Variants in RARB observed in about 807,000 individuals in gnomAD.
RARB encodes the protein retinoic acid receptor beta.
A neutral mutation model predicts 51.9 loss-of-function variants in RARB; 17 were observed. That is an observed-to-expected ratio of 0.33 (90% confidence interval 0.22 to 0.49). The LOEUF is 0.49. Ranked by LOEUF, RARB falls within the 20% of genes least tolerant of loss-of-function variation. The pLI is 0.99. For missense variants in RARB, 369 were observed against 550.8 expected, an observed-to-expected ratio of 0.67 and a Z score of 3.30; for synonymous variants, 215 against 195.4, an observed-to-expected ratio of 1.10 and a Z score of -0.84.
At chr3:25,585,033 G>T (rs1359894265) in intron 5 of RARB, among the ~76,000 whole-genome samples, 2 of 151,754 alleles carry the variant, frequency 1.3e-5, no homozygotes, top group African/African-American at 4.9e-5. Context: ...GTTGAATGTG[G>T]GCTCTGAAAC....
intron 5 of RARB, among the ~76,000 whole-genome samples, chr3:25,254,649 A>G (rs1385689093): frequency 6.6e-6 from 1 of 152,022 alleles, no homozygotes; most frequent in Non-Finnish European, 1.5e-5. Context: ...AAATCAAGGC[A>G]AGGCCTTGTG....
At chr3:24,856,742 C>T (rs12638345) in intron 1 of RARB, among the ~76,000 whole-genome samples, 90,756 of 152,032 alleles carry the variant, frequency 0.6, 27,877 homozygotes, top group East Asian at 0.96. Flanking sequence ...GAAGTTACAA[C>T]AATTTGAACT....
intron 5 of RARB, among the ~76,000 whole-genome samples, chr3:25,278,734 C>A (rs1703452452): frequency 6.6e-6 from 1 of 152,074 alleles, no homozygotes; most frequent in South Asian, 2.1e-4. Context: ...GCATGTGTAC[C>A]ATATTATGTG....
At chr3:25,231,385 T>G (rs1005731392) in intron 5 of RARB, among the ~76,000 whole-genome samples, 3 of 152,180 alleles carry the variant, frequency 2.0e-5, no homozygotes, top group Non-Finnish European at 1.5e-5. Context: ...AAGGTACCTG[T>G]GATTACTGGG....
At chr3:24,981,421 CTCCACCCAGT>C (rs1444142774) in intron 2 of RARB, among the ~76,000 whole-genome samples, 1 of 152,142 alleles carries the variant, frequency 6.6e-6, no homozygotes, top group Non-Finnish European at 1.5e-5. Flanking sequence ...CTGCAGTGGG[CTCCACCCAGT>C]TGGAGCTTCC....
chr3:24,954,371 G>T (rs995663064), intron 2 of RARB, among the ~76,000 whole-genome samples: 1 of 152,182 alleles, frequency 6.6e-6, no homozygotes, highest in Non-Finnish European at 1.5e-5. Flanking sequence ...TACTTCCTCT[G>T]CAGTGCAAGC....
intron 5 of RARB, among the ~76,000 whole-genome samples, chr3:25,244,899 G>T (rs936666157): frequency 2.0e-5 from 3 of 152,162 alleles, no homozygotes; most frequent in African/African-American, 4.8e-5. Context: ...AATATTGACA[G>T]TGTGGTGTTA....
chr3:25,361,887 C>G (rs1352244296), intron 5 of RARB, among the ~76,000 whole-genome samples: 1 of 152,158 alleles, frequency 6.6e-6, no homozygotes, highest in East Asian at 1.9e-4. Flanking sequence ...CATATGCCAG[C>G]TGGAGGTGTC....
At chr3:25,554,042 A>G (rs1166561676) in intron 3 of RARB, among the ~76,000 whole-genome samples, 1 of 151,488 alleles carries the variant, frequency 6.6e-6, no homozygotes, top group Non-Finnish European at 1.5e-5. Context: ...TGTCATGTTA[A>G]TCTGTGTTTG....
chr3:24,865,336 A>G (rs1994905), intron 2 of RARB, among the ~76,000 whole-genome samples: 110,325 of 152,050 alleles, frequency 0.73, 41,036 homozygotes, highest in East Asian at 0.97. Flanking sequence ...ATACATGTAA[A>G]TGGATGCTTG....
At chr3:24,960,865 T>A (rs910053407) in intron 2 of RARB, among the ~76,000 whole-genome samples, 2 of 152,032 alleles carry the variant, frequency 1.3e-5, no homozygotes, top group Non-Finnish European at 2.9e-5. Context: ...TCTCTTGACA[T>A]CCACATAAAA....
chr3:24,833,825 T>C (rs1702310561), intron 1 of RARB, among the ~76,000 whole-genome samples: 4 of 152,236 alleles, frequency 2.6e-5, no homozygotes, highest in Admixed American at 2.6e-4. Context: ...TCTGCATTTG[T>C]TCTGATTGGC....
At chr3:25,077,904 T>G (rs1698908324) in intron 3 of RARB, among the ~76,000 whole-genome samples, 1 of 152,206 alleles carries the variant, frequency 6.6e-6, no homozygotes, top group Admixed American at 6.5e-5. Flanking sequence ...AAGCAGTATC[T>G]CATTTTTCCT....
At chr3:25,337,766 TA>T (rs1705107131) in intron 5 of RARB, among the ~76,000 whole-genome samples, 1 of 152,124 alleles carries the variant, frequency 6.6e-6, no homozygotes, top group Non-Finnish European at 1.5e-5. Context: ...CCTGAAATTA[TA>T]AATACCTTTT....
At chr3:25,226,866 C>G (rs756881423) in intron 5 of RARB, among the ~76,000 whole-genome samples, 12 of 152,176 alleles carry the variant, frequency 7.9e-5, no homozygotes, top group Non-Finnish European at 1.8e-4. Context: ...ATAATTGAAC[C>G]TCAGGAAGAC....
chr3:24,937,075 T>C (rs1213472503), intron 2 of RARB, among the ~76,000 whole-genome samples: 2 of 152,202 alleles, frequency 1.3e-5, no homozygotes. Context: ...ACATTCATCT[T>C]TTTGTGTAAT....
At position 25,595,801 on chromosome 3, in the gene RARB, A is replaced by G. The variant is rs552875496; in HGVS notation, c.1151-619A>G. Among the ~76,000 whole-genome samples, 8 of 152,322 alleles carry G rather than the reference A, an allele frequency of 5.3e-5. No homozygotes were observed. The East Asian group carries it at 7.7e-4, about 15-fold the overall frequency. ...AGAGTGCTGCTAAATCTAGTTGTCA[A>G]TAGTCACTGCACATCGTGAACTCCT... is the stretch of plus-strand genomic sequence containing the variant. On this transcript the variant is annotated intron_variant, in intron 7 of 7. Coordinates refer to ENST00000330688, the MANE Select transcript of RARB (RefSeq NM_000965.5).
At chr3:24,858,796 G>A (rs1373080871) in intron 2 of RARB, 2 of 151,872 alleles carry the variant, frequency 1.3e-5, no homozygotes, top group Non-Finnish European at 2.9e-5. Context: ...ATACTTTTTG[G>A]GAGGCCGAGG....
chr3:25,592,900 G>A (rs920709276), intron 5 of RARB, among the ~76,000 whole-genome samples: 14 of 152,162 alleles, frequency 9.2e-5, no homozygotes, highest in Admixed American at 9.2e-4. Context: ...CTGTGTAACC[G>A]TGTGATCAGA....
Sources: allele counts gnomAD v4.1 joint callset (sites outside exome capture counted in the v4.1 genomes callset), GRCh38; gene constraint gnomAD v4.1.1; transcripts MANE v1.5; gene names NCBI Gene and HGNC (gene_info 2026-07-23, HGNC 2026-07-21).